The following KPNA1 variants were observed in gnomAD, a reference collection of about 807,000 sequenced individuals.
The protein encoded by KPNA1 is karyopherin subunit alpha 1, also known as importin subunit alpha-5.
KPNA1 carries 10 observed loss-of-function variants against 70.5 expected under a neutral mutation model. The ratio of observed to expected loss-of-function variants is 0.14; its 90% CI spans 0.09 to 0.24. The LOEUF (loss-of-function observed/expected upper bound fraction) is 0.24. KPNA1 is among the 10% of genes least tolerant of loss of function. The pLI, the probability that KPNA1 is intolerant of heterozygous loss-of-function variation, is 1.00. For missense variants in KPNA1, 397 were observed against 637.9 expected, an observed-to-expected ratio of 0.62 and a Z score of 4.07; for synonymous variants, 192 against 221.9, an observed-to-expected ratio of 0.87 and a Z score of 1.20.
chr3:122,472,069 G>A (rs1019816018), intron 2 of KPNA1, among the ~76,000 whole-genome samples: 4 of 152,094 alleles, frequency 2.6e-5, no homozygotes, highest in African/African-American at 9.7e-5. Context: ...GGACATAATT[G>A]AACTCAACAT....
intron 3 of KPNA1, 131 bp from the exon 4 acceptor site, chr3:122,464,172 A>G (rs539113994): frequency 2.2e-6 from 1 of 449,264 alleles, no homozygotes; most frequent in East Asian, 3.2e-5. Context: ...AGGTAGGACA[A>G]TCTTTACATA....
intron 2 of KPNA1, among the ~76,000 whole-genome samples, chr3:122,482,696 T>G (rs1455954431): frequency 6.6e-6 from 1 of 152,072 alleles, no homozygotes; most frequent in African/African-American, 2.4e-5. Context: ...TTTCTACATA[T>G]TAACAATGAA....
intron 2 of KPNA1, among the ~76,000 whole-genome samples, chr3:122,488,393 G>A (rs1014806584): frequency 9.9e-5 from 15 of 151,954 alleles, no homozygotes; most frequent in African/African-American, 2.9e-4. Context: ...GTAGTGGTGC[G>A]TGCCTGCAGC....
chr3:122,441,704 G>T (rs917784031), intron 10 of KPNA1, among the ~76,000 whole-genome samples: 4 of 152,118 alleles, frequency 2.6e-5, no homozygotes, highest in African/African-American at 9.6e-5. Context: ...GGGTTCAAGC[G>T]ATTCTTCTAC....
At chr3:122,459,017 A>G (rs1348181721) in intron 5 of KPNA1, among the ~76,000 whole-genome samples, 1 of 152,200 alleles carries the variant, frequency 6.6e-6, no homozygotes, top group East Asian at 1.9e-4. Context: ...ATCATTTTGC[A>G]ATATTTCAGC....
intron 6 of KPNA1, among the ~76,000 whole-genome samples, chr3:122,453,514 T>G (rs6803240): frequency 0.31 from 33,270 of 107,766 alleles, 3,941 homozygotes; most frequent in Middle Eastern, 0.5. Flanking sequence ...AATTTTGTGG[T>G]TTTTTTTGTT....
At chr3:122,502,670 G>A (rs1359102714) in intron 1 of KPNA1, among the ~76,000 whole-genome samples, 3 of 152,138 alleles carry the variant, frequency 2.0e-5, no homozygotes, top group Non-Finnish European at 4.4e-5. Context: ...GGTGTAATAC[G>A]GATGAGAACT....
chr3:122,470,856 G>A (rs1472019300), intron 2 of KPNA1, among the ~76,000 whole-genome samples: 1 of 151,952 alleles, frequency 6.6e-6, no homozygotes, highest in Non-Finnish European at 1.5e-5. Flanking sequence ...AAAAAAAAAG[G>A]CTAACAAATA....
At position 122,452,071 on chromosome 3, in the gene KPNA1, A is replaced by G. The variant is rs767186795; in HGVS notation, c.565-7T>C. 2.3e-5 allele frequency: 36 copies of G among 1,580,628 alleles called. No homozygotes were observed. The highest frequency in any genetic ancestry group is 3.0e-5 in the Non-Finnish European group (35 of 1,150,274). Reference sequence around the variant, plus strand: ...TGCCAAGAGCCCAGACTGCCTGTGAAAGAATCATTCATTAATAAAGGTTAC... The same window carrying G: ...TGCCAAGAGCCCAGACTGCCTGTGAGAGAATCATTCATTAATAAAGGTTAC... On this transcript the variant is annotated splice_region_variant and splice_polypyrimidine_tract_variant and intron_variant, in intron 6 of 13. Transcript: ENST00000344337.
intron 11 of KPNA1, 66 bp downstream of exon 11, chr3:122,437,104 G>A: frequency 1.3e-6 from 2 of 1,534,316 alleles, no homozygotes; most frequent in South Asian, 2.3e-5. Context: ...TTTAAAGGGT[G>A]ACTGAGAAAA....
At chr3:122,476,064 C>T (rs1386570578) in intron 2 of KPNA1, among the ~76,000 whole-genome samples, 17 of 152,150 alleles carry the variant, frequency 1.1e-4, no homozygotes, top group African/African-American at 4.1e-4. Flanking sequence ...GTAATCAAAA[C>T]AGCAAGGTCT....
chr3:122,480,112 G>C (rs915752002), intron 2 of KPNA1, among the ~76,000 whole-genome samples: 2 of 152,176 alleles, frequency 1.3e-5, no homozygotes, highest in African/African-American at 2.4e-5. Flanking sequence ...TTCTGGAAAA[G>C]GCAAAACTAT....
chr3:122,449,855 TA>T, intron 8 of KPNA1, 118 bp from the exon 9 acceptor site: 1 of 713,558 alleles, frequency 1.4e-6, no homozygotes, highest in South Asian at 2.2e-5. Context: ...TTTACACTTC[TA>T]AAGATGAAGC....
At chr3:122,445,546 G>A (rs2076126021) in intron 9 of KPNA1, among the ~76,000 whole-genome samples, 1 of 152,130 alleles carries the variant, frequency 6.6e-6, no homozygotes, top group South Asian at 2.1e-4. Context: ...GGAACAACCG[G>A]TACCAGCCAC....
At chr3:122,514,229 A>C (rs1367692255) in intron 1 of KPNA1, among the ~76,000 whole-genome samples, 7 of 139,408 alleles carry the variant, frequency 5.0e-5, no homozygotes, top group African/African-American at 1.1e-4. Context: ...CGCTTCCCCC[A>C]CCTCCCTCCG....
intron 1 of KPNA1, among the ~76,000 whole-genome samples, chr3:122,502,979 TC>T (rs2076846691): frequency 6.6e-6 from 1 of 151,934 alleles, no homozygotes; most frequent in South Asian, 2.1e-4. Context: ...GCACCTGTGG[TC>T]CCAGCTACTT....
intron 9 of KPNA1, among the ~76,000 whole-genome samples, chr3:122,444,236 A>C (rs1384850357): frequency 6.6e-6 from 1 of 152,196 alleles, no homozygotes; most frequent in African/African-American, 2.4e-5. Context: ...GTTCCCTGAA[A>C]ATCACTGTTA....
At chr3:122,463,292 G>A (rs1486870943) in intron 4 of KPNA1, among the ~76,000 whole-genome samples, 1 of 151,616 alleles carries the variant, frequency 6.6e-6, no homozygotes, top group African/African-American at 2.4e-5. Flanking sequence ...CGCTTGCAGT[G>A]AGCCGAGATA....
At chr3:122,433,633 T>G (rs2075944084) in intron 12 of KPNA1, 28 bp downstream of exon 12, 1 of 1,556,354 alleles carries the variant, frequency 6.4e-7, no homozygotes, top group South Asian at 1.2e-5. Flanking sequence ...TTCTTTAACT[T>G]ACAATATGCT....
Sources: gnomAD v4.1 joint callset for allele counts (sites outside exome capture counted in the v4.1 genomes callset) on GRCh38, gnomAD v4.1.1 for gene constraint, MANE v1.5 for transcripts, NCBI Gene and HGNC (gene_info 2026-07-23, HGNC 2026-07-21) for gene names.